The following SPHKAP variants were observed in gnomAD, a reference collection of about 807,000 sequenced individuals.
SPHKAP encodes A-kinase anchor protein SPHKAP.
In SPHKAP, 67 loss-of-function variants were observed where a neutral mutation model predicts 137.5. That is an observed-to-expected ratio of 0.49 (90% confidence interval 0.40 to 0.60). The LOEUF (loss-of-function observed/expected upper bound fraction) is 0.60, where lower values mean the gene tolerates loss of function less well. Ranked by LOEUF, SPHKAP falls within the 20% of genes least tolerant of loss-of-function variation. The pLI, the probability that SPHKAP is intolerant of heterozygous loss-of-function variation, is 0.00. For synonymous variants in SPHKAP, 813 were observed against 785.3 expected (o/e 1.04, Z -0.59); for missense variants, 2,097 against 2,069.3 (o/e 1.01, Z -0.26).
chr2:228,062,095 C>CAA (rs1024057101), intron 3 of SPHKAP, among the ~76,000 whole-genome samples: 13 of 151,452 alleles, frequency 8.6e-5, no homozygotes, highest in African/African-American at 2.7e-4. Context: ...CAAGAAAACC[C>CAA]AAAAACCCAA....
chr2:228,088,326 T>A (rs1330072297), intron 3 of SPHKAP, among the ~76,000 whole-genome samples: 1 of 152,174 alleles, frequency 6.6e-6, no homozygotes, highest in Non-Finnish European at 1.5e-5. Context: ...TTTCTAGAAA[T>A]AAGTTTATAT....
chr2:228,015,819 T>G (rs1021874102), intron 7 of SPHKAP, among the ~76,000 whole-genome samples: 1 of 151,726 alleles, frequency 6.6e-6, no homozygotes, highest in African/African-American at 2.4e-5. Flanking sequence ...AAGCAAAACT[T>G]GAAAGGAGAG....
intron 3 of SPHKAP, among the ~76,000 whole-genome samples, chr2:228,030,754 C>G (rs1389455483): frequency 1.3e-5 from 2 of 150,738 alleles, no homozygotes; most frequent in East Asian, 3.9e-4. Flanking sequence ...TTTTGACTAA[C>G]TACTCTTTGG....
At chr2:228,148,081 C>T (rs867517296) in intron 1 of SPHKAP, among the ~76,000 whole-genome samples, 2 of 152,158 alleles carry the variant, frequency 1.3e-5, no homozygotes, top group Non-Finnish European at 2.9e-5. Flanking sequence ...TACTAACTGT[C>T]TTTAGAACTG....
chr2:228,006,047 T>C (rs999840115), intron 7 of SPHKAP, among the ~76,000 whole-genome samples: 7 of 152,172 alleles, frequency 4.6e-5, no homozygotes, highest in Admixed American at 2.6e-4. Context: ...GGAGTATCTT[T>C]GTGGCGTTCT....
At chr2:228,180,662 T>C (rs945162324) in intron 1 of SPHKAP, among the ~76,000 whole-genome samples, 1 of 152,092 alleles carries the variant, frequency 6.6e-6, no homozygotes, top group South Asian at 2.1e-4. Context: ...CATCCTTGGC[T>C]CCCGGCGCGA....
intron 3 of SPHKAP, among the ~76,000 whole-genome samples, chr2:228,057,047 G>A (rs1380746899): frequency 6.6e-6 from 1 of 152,176 alleles, no homozygotes; most frequent in East Asian, 1.9e-4. Context: ...ACAAGGAAGC[G>A]AGGCATGGCT....
intron 2 of SPHKAP, among the ~76,000 whole-genome samples, chr2:228,130,660 GA>G (rs1196794803): frequency 6.6e-6 from 1 of 152,114 alleles, no homozygotes; most frequent in Non-Finnish European, 1.5e-5. Flanking sequence ...TACAGCATAT[GA>G]TGAAGCATTT....
intron 2 of SPHKAP, among the ~76,000 whole-genome samples, chr2:228,124,226 A>G (rs918030108): frequency 6.6e-6 from 1 of 152,204 alleles, no homozygotes; most frequent in Admixed American, 6.5e-5. Context: ...CAGCCATCCC[A>G]TTACTGGGTA....
chr2:227,981,835 T>G lies in SPHKAP; in HGVS notation c.4985A>C (p.His1662Pro). Residue 1662 changes from histidine (H) to proline (P), a missense_variant, in exon 12 of 12, where the codon CAT becomes CCT. By Grantham distance (77) the His-to-Pro change is moderately conservative (BLOSUM62 -2). Coordinates refer to ENST00000392056, the MANE Select transcript of SPHKAP (RefSeq NM_001142644.2). ...EKFLDVVQLV[H>P]RKSWKVGDIF... The stretch of plus-strand genomic sequence containing the variant: ...ATCACCCACTTTCCAGGACTTCCGA[T>G]GAACCAGCTGCACGACATCTAGAAA... The G allele has an allele frequency of 6.2e-7, 1 of 1,613,620 alleles. No individual in the cohort carries two copies. The highest frequency in any genetic ancestry group is 1.3e-5 in the African/African-American group (1 of 75,004).
intron 1 of SPHKAP, among the ~76,000 whole-genome samples, chr2:228,161,401 A>G (rs1035061989): frequency 6.6e-6 from 1 of 152,234 alleles, no homozygotes; most frequent in African/African-American, 2.4e-5. Flanking sequence ...CATTTGCTGC[A>G]TGAGTTTCAG....
Position 228,016,478 on chromosome 2 carries a change from T to C in SPHKAP, c.4376A>G (p.His1459Arg), listed in dbSNP as rs1431952817. 1 of 1,613,114 alleles carries C rather than the reference T, an allele frequency of 6.2e-7. No homozygotes were observed. Among genetic ancestry groups the C allele is most frequent in the Admixed American group, 1.7e-5 (1 of 59,766 alleles). The change falls in exon 7 of 12, where the codon CAT (histidine) becomes CGT (arginine). Residue 1459 changes from histidine to arginine, a missense_variant. Transcript: ENST00000392056. ...KSSLLEEAEGHSNDKNIPDVV... is the reference protein window; with the variant it reads ...KSSLLEEAEGRSNDKNIPDVV... ...ATCTGGGATGTTTTTGTCATTCGAATGCCCTTCTGCTTCCTCTAGGAGGCT... is the reference window on the plus strand; with the variant it reads ...ATCTGGGATGTTTTTGTCATTCGAACGCCCTTCTGCTTCCTCTAGGAGGCT...
chr2:228,093,694 CT>C (rs1268731010), intron 3 of SPHKAP, among the ~76,000 whole-genome samples: 1 of 149,098 alleles, frequency 6.7e-6, no homozygotes, highest in Non-Finnish European at 1.5e-5. Context: ...CCAGTCTCTA[CT>C]AAAAATGGAA....
chr2:227,999,020 C>A (rs1559338573), intron 7 of SPHKAP, among the ~76,000 whole-genome samples: 2 of 152,142 alleles, frequency 1.3e-5, no homozygotes, highest in South Asian at 4.1e-4. Context: ...GTACTGTTAT[C>A]CGTTCTCTGA....
Position 227,991,343 on chromosome 2 carries a change from C to T in SPHKAP, c.4722-17G>A. On this transcript the variant is annotated splice_polypyrimidine_tract_variant and intron_variant, in intron 9 of 11. Transcript: ENST00000392056. ...ACTAATTCACTTTGGGAGAAAACAA[C>T]AGTATATGGTTGGTAATGTTTAGAA... The T allele has an allele frequency of 6.2e-7, 1 of 1,614,074 alleles. No individual in the cohort carries two copies. The highest frequency in any genetic ancestry group is 8.5e-7 in the Non-Finnish European group (1 of 1,179,954).
intron 1 of SPHKAP, among the ~76,000 whole-genome samples, chr2:228,158,392 T>C (rs1700175564): frequency 1.4e-5 from 2 of 147,404 alleles, no homozygotes; most frequent in African/African-American, 5.1e-5. Context: ...AAGAGAGCAA[T>C]TGCATCCCAG....
At chr2:228,113,636 T>TCTCTCTCTCTCTCC in intron 2 of SPHKAP, among the ~76,000 whole-genome samples, 1 of 149,246 alleles carries the variant, frequency 6.7e-6, no homozygotes, top group South Asian at 2.1e-4. Flanking sequence ...TCTCTCTCTC[T>TCTCTCTCTCTCTCC]CTCTCTCTCT....
At chr2:228,068,962 T>C (rs561532004) in intron 3 of SPHKAP, among the ~76,000 whole-genome samples, 156 of 152,244 alleles carry the variant, frequency 1.0e-3, no homozygotes, top group Middle Eastern at 3.4e-3. Flanking sequence ...AGCCCTAGCA[T>C]CTCCCTCACC....
chr2:227,991,530 A>C, intron 9 of SPHKAP: 1 of 984,958 alleles, frequency 1.0e-6, no homozygotes, highest in Non-Finnish European at 1.2e-6. Context: ...GTCCTCCTCC[A>C]ACAACAACAA....
Sources: gnomAD v4.1 joint callset for allele counts (sites outside exome capture counted in the v4.1 genomes callset) on GRCh38, gnomAD v4.1.1 for gene constraint, MANE v1.5 for transcripts, NCBI Gene and HGNC (gene_info 2026-07-23, HGNC 2026-07-21) for gene names.